MYOT: variants seen among roughly 807,000 people sequenced by gnomAD.
MYOT encodes 57 kDa cytoskeletal protein.
Under a neutral mutation model 58.0 loss-of-function variants are expected in MYOT, and 36 were observed. The observed-to-expected ratio is 0.62, with a 90% CI of 0.48 to 0.82. MYOT has a LOEUF of 0.82. MYOT is among the 40% of genes least tolerant of loss of function. The probability of loss-of-function intolerance (pLI) is 0.00; values close to 1 mark genes in which losing one functional copy is unlikely to be tolerated. For synonymous variants in MYOT, 218 were observed against 204.6 expected, an observed-to-expected ratio of 1.07 and a Z score of -0.56; for missense variants, 505 against 592.1, an observed-to-expected ratio of 0.85 and a Z score of 1.53.
rs768353951 is a variant in MYOT, at chr5:137,880,859, A to G, written c.677A>G (p.Gln226Arg). The change falls in exon 5 of 10, where the codon CAA (glutamine) becomes CGA (arginine). Residue 226 changes from glutamine to arginine, a missense_variant. Gln to Arg is a conservative substitution (Grantham distance 43). Coordinates refer to ENST00000239926, the MANE Select transcript of MYOT (RefSeq NM_006790.3). The stretch of plus-strand genomic sequence containing the variant: ...GCGCGACTGCAAGTTCCTACATCAC[A>G]AGTAAGGTAAAAAATTTTAATTTTA... ...EHARLQVPTS[Q>R]VRSRSTSRGD... is the part of the protein sequence containing the mutation. 1.2e-6 allele frequency: 2 copies of G among 1,606,222 alleles called. No individual in the cohort carries two copies. The highest frequency in any genetic ancestry group is 4.5e-5 in the East Asian group (2 of 44,760).
chr5:137,870,348 G>T, intron 1 of MYOT, 93 bp from the exon 2 acceptor site: 1 of 434,904 alleles, frequency 2.3e-6, no homozygotes, highest in Non-Finnish European at 4.2e-6. Context: ...AGGAAAGAAA[G>T]GAAAAGAAAA....
At position 137,881,046 on chromosome 5, in the gene MYOT, G is replaced by A. The variant is rs537687347; in HGVS notation, c.683+181G>A. 5.9e-5 allele frequency among the ~76,000 whole-genome samples: 9 copies of A among 152,114 alleles called. No homozygotes were observed. The East Asian group carries it at 1.5e-3, about 26-fold the overall frequency. ...ACGTTCATCATCAAAACTATCACAG[G>A]GGAATTTTTTAATGTTTTGGTCAAA... is the stretch of plus-strand genomic sequence containing the variant. On this transcript the variant is annotated intron_variant, in intron 5 of 9. Transcript: ENST00000239926.
Position 137,870,533 on chromosome 5 carries a change from C to T in MYOT, c.-119C>T. 2.2e-6 allele frequency: 2 copies of T among 909,784 alleles called. No individual in the cohort carries two copies. The highest frequency in any genetic ancestry group is 2.6e-5 in the South Asian group (2 of 76,158). The allele number at this position is 909,784 out of a possible 1,614,324, so 56.4% of individuals were successfully genotyped here. A position where few individuals can be genotyped will look rare whatever the true frequency, so the allele number is the denominator to read the frequency against. On this transcript the variant is annotated 5_prime_UTR_variant, in exon 2 of 10. Transcript: ENST00000239926. ...AAGGAAGAGCAGACCAAGGTTGCTT[C>T]TGATTCCTTACAACCTTCCGTAATT...
chr5:137,886,765 T>C lies in MYOT; in HGVS notation c.1191-99T>C. ...AATAAATAGATACAGCTTTGGAATTTTCAAATGTTTTTTTCTTCCTAGTCT... is the reference window on the plus strand; with the variant it reads ...AATAAATAGATACAGCTTTGGAATTCTCAAATGTTTTTTTCTTCCTAGTCT... On this transcript the variant is annotated intron_variant, in intron 8 of 9. Coordinates refer to ENST00000239926, the MANE Select transcript of MYOT (RefSeq NM_006790.3). 5.4e-6 allele frequency: 5 copies of C among 919,960 alleles called. No individual in the cohort carries two copies. The South Asian group carries it at 7.3e-5, about 13-fold the overall frequency. The allele number at this position is 919,960 out of a possible 1,614,324, so 57.0% of individuals were successfully genotyped here. A position where few individuals can be genotyped will look rare whatever the true frequency, so the allele number is the denominator to read the frequency against.
intron 1 of MYOT, among the ~76,000 whole-genome samples, chr5:137,869,957 A>G (rs1754987319): frequency 6.6e-6 from 1 of 151,890 alleles, no homozygotes; most frequent in African/African-American, 2.4e-5. Flanking sequence ...ATTTGGAATC[A>G]AGGAGAGAAA....
At chr5:137,878,258 G>C (rs897193776) in intron 4 of MYOT, among the ~76,000 whole-genome samples, 1 of 146,536 alleles carries the variant, frequency 6.8e-6, no homozygotes, top group Admixed American at 6.9e-5. Context: ...CTGTCACCCA[G>C]GCAGGCTGGA....
At chr5:137,884,747 G>C (rs1755541523) in intron 7 of MYOT, among the ~76,000 whole-genome samples, 1 of 151,980 alleles carries the variant, frequency 6.6e-6, no homozygotes, top group African/African-American at 2.4e-5. Context: ...AAACACTTCT[G>C]GTCCCAAGCA....
chr5:137,870,679 T>G lies in MYOT; in HGVS notation c.28T>G (p.Phe10Val), dbSNP rs1755018336. 6.2e-7 allele frequency: 1 copy of G among 1,614,180 alleles called. No individual in the cohort carries two copies. The highest frequency in any genetic ancestry group is 8.5e-7 in the Non-Finnish European group (1 of 1,180,032). The change falls in exon 2 of 10, where the codon TTC becomes GTC. Residue 10 changes from phenylalanine to valine, a missense_variant. Physicochemically the swap from Phe to Val is conservative, Grantham distance 50 (BLOSUM62 -1). Coordinates refer to ENST00000239926, the MANE Select transcript of MYOT (RefSeq NM_006790.3). The stretch of plus-strand genomic sequence containing the variant: ...GTTTAACTACGAACGTCCAAAACAC[T>G]TCATCCAGTCCCAAAACCCATGTGG... MFNYERPKH[F>V]IQSQNPCGSR... is the part of the protein sequence containing the mutation.
At chr5:137,871,523 T>C (rs1180516304) in intron 2 of MYOT, among the ~76,000 whole-genome samples, 1 of 152,154 alleles carries the variant, frequency 6.6e-6, no homozygotes, top group Non-Finnish European at 1.5e-5. Flanking sequence ...AATTTTTAAA[T>C]TAACAAATAA....
At chr5:137,878,739 C>T (rs1755316225) in intron 4 of MYOT, among the ~76,000 whole-genome samples, 2 of 152,100 alleles carry the variant, frequency 1.3e-5, no homozygotes, top group Non-Finnish European at 2.9e-5. Context: ...AGAAGAATCG[C>T]TTGAACCCGT....
Position 137,886,154 on chromosome 5 carries a change from A to C in MYOT, c.1131A>C (p.Pro377=). The C allele has an allele frequency of 6.2e-7, 1 of 1,612,592 alleles. No homozygotes were observed. The change falls in exon 8 of 10, where the codon CCA becomes CCC. Residue 377 remains proline (P), a synonymous_variant. Coordinates refer to ENST00000239926, the MANE Select transcript of MYOT (RefSeq NM_006790.3). ...AATGCCAGATCTCGGCTATACCTCCACCAAAGCTTTTCTGGAAAAGAAATA... is the reference window on the plus strand; with the variant it reads ...AATGCCAGATCTCGGCTATACCTCCCCCAAAGCTTTTCTGGAAAAGAAATA... The part of the protein sequence containing the change: ...KLECQISAIP[P]PKLFWKRNNE...
intron 4 of MYOT, among the ~76,000 whole-genome samples, chr5:137,878,610 G>A (rs1010340369): frequency 7.2e-5 from 11 of 152,080 alleles, no homozygotes; most frequent in Admixed American, 5.2e-4. Flanking sequence ...GGATCACGAG[G>A]TCAAGAGATC....
At chr5:137,871,123 G>C in intron 2 of MYOT, 116 bp downstream of exon 2, 1 of 885,192 alleles carries the variant, frequency 1.1e-6, no homozygotes, top group Non-Finnish European at 1.8e-6. Flanking sequence ...AAAAGGCAAT[G>C]TGACCTTACA....
chr5:137,875,858 T>C lies in MYOT; in HGVS notation c.386T>C (p.Ile129Thr). Reference sequence around the variant, plus strand: ...CAACAGTCCTCAGCTGGCCAACCTATAAATGCAAAGCCATCCCAAACTGCA... The same window carrying C: ...CAACAGTCCTCAGCTGGCCAACCTACAAATGCAAAGCCATCCCAAACTGCA... ...NYQQSSAGQP[I>T]NAKPSQTANA... The change falls in exon 3 of 10, where the codon ATA (isoleucine) becomes ACA (threonine). Residue 129 changes from isoleucine (I) to threonine (T), a missense_variant. Transcript: ENST00000239926. The C allele has an allele frequency of 6.2e-7, 1 of 1,614,048 alleles. No individual in the cohort carries two copies. Among genetic ancestry groups the C allele is most frequent in the Non-Finnish European group, 8.5e-7 (1 of 1,179,976 alleles).
chr5:137,869,634 A>G (rs1421162361), intron 1 of MYOT, among the ~76,000 whole-genome samples: 1 of 152,192 alleles, frequency 6.6e-6, no homozygotes. Context: ...AAGCAATTTC[A>G]AAATTAGTCT....
In MYOT at chr5:137,870,993, C is replaced by T. The variant is rs34593399; in HGVS notation, c.342C>T (p.Ser114=). The change falls in exon 2 of 10, where the codon TCC becomes TCT. Residue 114 remains serine (S), a synonymous_variant. Transcript: ENST00000239926. The part of the protein sequence containing the change: ...QPDYNSSKIP[S]AMDSNYQQSS... ...ATTACAATAGCAGTAAAATCCCTTC[C>T]GCTATGGATTCCAAGTAAGTGAATT... is the stretch of plus-strand genomic sequence containing the variant. 68 of 1,613,270 alleles carry T rather than the reference C, an allele frequency of 4.2e-5. No homozygotes were observed. In the Middle Eastern group the frequency reaches 6.6e-4, roughly 16 times the overall value.
intron 5 of MYOT, among the ~76,000 whole-genome samples, chr5:137,881,557 G>A (rs1047733423): frequency 3.3e-5 from 5 of 152,122 alleles, no homozygotes; most frequent in East Asian, 3.8e-4. Context: ...CCAGCTACTC[G>A]GGAGGCTGAG....
intron 1 of MYOT, among the ~76,000 whole-genome samples, chr5:137,869,563 T>A (rs1754975049): frequency 6.6e-6 from 1 of 152,202 alleles, no homozygotes; most frequent in South Asian, 2.1e-4. Flanking sequence ...TAGTTTCATA[T>A]GTGTCTTATT....
intron 1 of MYOT, among the ~76,000 whole-genome samples, chr5:137,869,921 T>C (rs1754986451): frequency 6.6e-6 from 1 of 151,514 alleles, no homozygotes; most frequent in South Asian, 2.1e-4. Flanking sequence ...ACTCCTTAAT[T>C]AATATCTAGT....
Sources: gnomAD v4.1 joint callset for allele counts (sites outside exome capture counted in the v4.1 genomes callset) on GRCh38, gnomAD v4.1.1 for gene constraint, MANE v1.5 for transcripts, NCBI Gene and HGNC (gene_info 2026-07-23, HGNC 2026-07-21) for gene names.